Variants in AGBL3 observed in about 807,000 individuals in gnomAD.
The protein encoded by AGBL3 is AGBL carboxypeptidase 3, also known as cytosolic carboxypeptidase 3.
AGBL3 carries 68 observed loss-of-function variants against 94.5 expected under a neutral mutation model. That is an observed-to-expected ratio of 0.72 (90% CI 0.59 to 0.88). AGBL3 has a LOEUF of 0.88. AGBL3 is among the 40% of genes least tolerant of loss of function. The pLI, the probability that AGBL3 is intolerant of heterozygous loss-of-function variation, is 0.00. For missense variants in AGBL3, 934 were observed against 1,103.8 expected (o/e 0.85, Z 2.18); for synonymous variants, 354 against 370.7 (o/e 0.95, Z 0.52).
At chr7:135,109,780 G>T (rs1825345462) in intron 15 of AGBL3, among the ~76,000 whole-genome samples, 1 of 152,182 alleles carries the variant, frequency 6.6e-6, no homozygotes, top group Non-Finnish European at 1.5e-5. Flanking sequence ...GCTGTGCTGC[G>T]CCAGGGGACC....
intron 11 of AGBL3, among the ~76,000 whole-genome samples, chr7:135,049,120 T>A (rs116862926): frequency 1.7e-3 from 264 of 152,016 alleles, no homozygotes; most frequent in Non-Finnish European, 2.6e-3. Flanking sequence ...TTCCTTCTAT[T>A]CTTAGTTTGT....
chr7:134,994,625 A>T (rs2133379628), intron 4 of AGBL3, among the ~76,000 whole-genome samples: 1 of 152,324 alleles, frequency 6.6e-6, no homozygotes, highest in South Asian at 2.1e-4. Flanking sequence ...ACACATACAT[A>T]CTTTTTATAA....
At chr7:135,027,826 A>ACCTGTGG (rs2116374872) in intron 5 of AGBL3, among the ~76,000 whole-genome samples, 1 of 151,846 alleles carries the variant, frequency 6.6e-6, no homozygotes, top group African/African-American at 2.4e-5. Flanking sequence ...TTACATACAT[A>ACCTGTGG]TAACAAAATT....
At chr7:135,062,453 A>G (rs1321842110) in intron 12 of AGBL3, among the ~76,000 whole-genome samples, 1 of 152,132 alleles carries the variant, frequency 6.6e-6, no homozygotes, top group Admixed American at 6.6e-5. Flanking sequence ...CTTAGAGGAA[A>G]AGCTTTCAAG....
At chr7:134,989,422 T>C in intron 3 of AGBL3, 112 bp downstream of exon 3, 1 of 743,484 alleles carries the variant, frequency 1.3e-6, no homozygotes, top group Non-Finnish European at 2.1e-6. Context: ...ATTATTCTAG[T>C]AGATTGTGAA....
At chr7:135,060,757 T>C (rs1054163163) in intron 12 of AGBL3, among the ~76,000 whole-genome samples, 1 of 152,180 alleles carries the variant, frequency 6.6e-6, no homozygotes, top group African/African-American at 2.4e-5. Flanking sequence ...GAATAGTATT[T>C]CATCGTGCTA....
intron 13 of AGBL3, among the ~76,000 whole-genome samples, chr7:135,078,244 G>A (rs1820635618): frequency 6.6e-6 from 1 of 152,206 alleles, no homozygotes; most frequent in African/African-American, 2.4e-5. Context: ...CCTTAGCACT[G>A]TCATCCCAAG....
rs141752237 is a variant in AGBL3, at chr7:135,120,550, A to C, written c.2342+4939A>C. Among the ~76,000 whole-genome samples, 318 of 152,376 alleles carry C rather than the reference A, an allele frequency of 2.1e-3. 1 individual carries two copies. The highest frequency in any genetic ancestry group is 7.0e-3 in the African/African-American group (291 of 41,598). On this transcript the variant is annotated intron_variant, in intron 16 of 16. Coordinates refer to ENST00000436302, the MANE Select transcript of AGBL3 (RefSeq NM_178563.4). Reference sequence around the variant, plus strand: ...GAAGGCAGGAAAGAGAAAACAAAAAACAAAAGATAAACTTTTTTTAAATGG... The same window carrying C: ...GAAGGCAGGAAAGAGAAAACAAAAACCAAAAGATAAACTTTTTTTAAATGG...
At chr7:135,037,886 T>A (rs952254423) in intron 8 of AGBL3, among the ~76,000 whole-genome samples, 2 of 152,158 alleles carry the variant, frequency 1.3e-5, no homozygotes, top group African/African-American at 4.8e-5. Context: ...TTTTATTGTT[T>A]AAATAGTCAT....
chr7:135,125,903 T>C (rs1026566826), intron 16 of AGBL3, among the ~76,000 whole-genome samples: 11 of 152,204 alleles, frequency 7.2e-5, no homozygotes, highest in Admixed American at 6.5e-4. Flanking sequence ...CTCAAAATAA[T>C]GAGAGCTATT....
chr7:135,106,108 T>C (rs188272622), intron 15 of AGBL3, among the ~76,000 whole-genome samples: 4 of 152,314 alleles, frequency 2.6e-5, no homozygotes, highest in African/African-American at 7.2e-5. Context: ...CTTCCTGAAG[T>C]TGTTTGTCAG....
chr7:135,034,854 T>C lies in AGBL3; in HGVS notation c.1263T>C (p.Asp421=). The C allele has an allele frequency of 1.9e-6, 3 of 1,551,508 alleles. No homozygotes were observed. Among genetic ancestry groups the C allele is most frequent in the Non-Finnish European group, 2.6e-6 (3 of 1,146,850 alleles). Residue 421 remains aspartate, a synonymous_variant, in exon 7 of 17, where the codon GAT becomes GAC. Coordinates refer to ENST00000436302, the MANE Select transcript of AGBL3 (RefSeq NM_178563.4). ...GNYRCSLAGR[D]LNRNYTSLLK... The stretch of plus-strand genomic sequence containing the variant: ...ATCGCTGTTCCTTAGCTGGACGGGA[T>C]TTAAACCGTAATTATACATCTCTCC...
intron 15 of AGBL3, among the ~76,000 whole-genome samples, chr7:135,087,280 A>T (rs898710071): frequency 6.6e-6 from 1 of 151,712 alleles, no homozygotes. Context: ...TTCAAAAAAA[A>T]CCAACTTTTC....
rs78253659 is a variant in AGBL3, at chr7:135,032,930, T to C, written c.505T>C (p.Leu169=). 1.2e-5 allele frequency: 19 copies of C among 1,551,574 alleles called. No individual in the cohort carries two copies. Among genetic ancestry groups the C allele is most frequent in the Non-Finnish European group, 1.5e-5 (17 of 1,146,764 alleles). Residue 169 remains leucine, a synonymous_variant, in exon 6 of 17, where the codon TTG becomes CTG. Coordinates refer to ENST00000436302, the MANE Select transcript of AGBL3 (RefSeq NM_178563.4). ...KQPVDYRDNT[L]MFEARFESGN... ...GCCTGTGGATTACCGTGACAATACT[T>C]TGATGTTTGAAGCAAGGTTTGAGAG...
In AGBL3 at chr7:135,034,260, C is replaced by T. The variant is rs1162099104; in HGVS notation, c.669C>T (p.Phe223=). ...TGCGAGCAGGAATAGTCTACAGATT[C>T]ACTATTGTCAACTTCACCAAACCTG... is the stretch of plus-strand genomic sequence containing the variant. ...TNMRAGIVYR[F]TIVNFTKPAS... The change falls in exon 7 of 17, where the codon TTC becomes TTT. Residue 223 remains phenylalanine (F), a synonymous_variant. Coordinates refer to ENST00000436302, the MANE Select transcript of AGBL3 (RefSeq NM_178563.4). The T allele has an allele frequency of 6.4e-7, 1 of 1,551,724 alleles. No individual in the cohort carries two copies. The highest frequency in any genetic ancestry group is 2.4e-5 in the East Asian group (1 of 40,920).
At chr7:135,007,306 T>C (rs1361538828) in intron 4 of AGBL3, among the ~76,000 whole-genome samples, 1 of 151,864 alleles carries the variant, frequency 6.6e-6, no homozygotes, top group Non-Finnish European at 1.5e-5. Context: ...ACTAGCAAAC[T>C]AAATCCAGCA....
At chr7:135,068,928 G>C (rs1056982293) in intron 12 of AGBL3, among the ~76,000 whole-genome samples, 7 of 152,090 alleles carry the variant, frequency 4.6e-5, no homozygotes, top group African/African-American at 9.7e-5. Flanking sequence ...AATTAAGACA[G>C]ACTGGCAAAT....
chr7:135,083,650 A>G (rs908932540), intron 15 of AGBL3, among the ~76,000 whole-genome samples: 8 of 152,166 alleles, frequency 5.3e-5, no homozygotes, highest in African/African-American at 1.9e-4. Flanking sequence ...CAAACTTACT[A>G]TCTAATTCAA....
chr7:135,094,577 G>A (rs565313356), intron 15 of AGBL3: 96 of 456,010 alleles, frequency 2.1e-4, no homozygotes, highest in Non-Finnish European at 4.1e-4. Context: ...AGACCTCTTA[G>A]TTGCTCTGGA....
Sources: gnomAD v4.1 joint callset for allele counts (sites outside exome capture counted in the v4.1 genomes callset) on GRCh38, gnomAD v4.1.1 for gene constraint, MANE v1.5 for transcripts, NCBI Gene and HGNC (gene_info 2026-07-23, HGNC 2026-07-21) for gene names.